Variants in AP2A1 observed in about 807,000 individuals in gnomAD.
AP2A1 encodes the protein adaptor related protein complex 2 subunit alpha 1, also known as AP-2 complex subunit alpha-1.
A neutral mutation model predicts 107.3 loss-of-function variants in AP2A1; 21 were observed. That is an observed-to-expected ratio of 0.20 (90% CI 0.14 to 0.28). The LOEUF (loss-of-function observed/expected upper bound fraction) is 0.28, where lower values mean the gene tolerates loss of function less well. Among genes scored for constraint, AP2A1 ranks in the 10% least tolerant of loss-of-function variants. AP2A1 has a pLI of 1.00. For synonymous variants in AP2A1, 602 were observed against 564.8 expected (o/e 1.07, Z -0.93); for missense variants, 873 against 1,307.7 (o/e 0.67, Z 5.13).
intron 4 of AP2A1, among the ~76,000 whole-genome samples, chr19:49,790,345 G>A (rs1043433733): frequency 1.3e-5 from 2 of 152,150 alleles, no homozygotes; most frequent in African/African-American, 4.8e-5. Flanking sequence ...AGGACCCTGT[G>A]ATGACATTGG....
chr19:49,791,811 C>T, intron 4 of AP2A1, 124 bp from the exon 5 acceptor site: 1 of 1,308,562 alleles, frequency 7.6e-7, no homozygotes, highest in South Asian at 1.4e-5. Flanking sequence ...CCTGCGGCCG[C>T]CTGGCTGTCT....
intron 15 of AP2A1, 126 bp downstream of exon 15, chr19:49,802,267 C>G (rs1416345293): frequency 2.3e-6 from 2 of 875,934 alleles, no homozygotes; most frequent in African/African-American, 1.7e-5. Flanking sequence ...CATCCTGATG[C>G]CTTCGCCAGC....
rs1213944500 is a variant in AP2A1 at position 49,767,099 on chromosome 19, G to T, written c.-35G>T. On this transcript the variant is annotated 5_prime_UTR_variant, in exon 1 of 23. Transcript: ENST00000354293. ...GCCAGCCCCCGCTGCTCTGTGCCCTGTCCGGCCAGGCCTGGAGCCGACACC... is the reference window on the plus strand; with the variant it reads ...GCCAGCCCCCGCTGCTCTGTGCCCTTTCCGGCCAGGCCTGGAGCCGACACC... The T allele has an allele frequency of 3.1e-6, 5 of 1,607,864 alleles. No individual in the cohort carries two copies. The highest frequency in any genetic ancestry group is 4.2e-6 in the Non-Finnish European group (5 of 1,178,942).
At position 49,805,904 on chromosome 19, in the gene AP2A1, C is replaced by T. The variant is rs1192001219; in HGVS notation, c.2618C>T (p.Ala873Val). 1.2e-6 allele frequency: 2 copies of T among 1,613,882 alleles called. No homozygotes were observed. The highest frequency in any genetic ancestry group is 1.7e-6 in the Non-Finnish European group (2 of 1,179,900). The stretch of plus-strand genomic sequence containing the variant: ...CAGGAGGCGCAGAAAATCTTCAAAG[C>T]CAACCACCCCATGGACGCAGAAGTT... ...PQQEAQKIFKANHPMDAEVTK... is the reference protein window; with the variant it reads ...PQQEAQKIFKVNHPMDAEVTK... Residue 873 changes from alanine (A) to valine (V), a missense_variant, in exon 21 of 23, where the codon GCC (alanine) becomes GTC (valine). Physicochemically the swap from Ala to Val is moderately conservative, Grantham distance 64. Coordinates refer to ENST00000354293, the MANE Select transcript of AP2A1 (RefSeq NM_130787.3).
At position 49,790,438 on chromosome 19, in the gene AP2A1, T is replaced by G. The variant is rs1402023800; in HGVS notation, c.474-1497T>G. ...TCTGCAAAGTACCCCCACCCTTTTT[T>G]TTGTTTGGAGACAGGGTCTTGCTCT... On this transcript the variant is annotated intron_variant, in intron 4 of 22. Transcript: ENST00000354293. 2.0e-5 allele frequency among the ~76,000 whole-genome samples: 3 copies of G among 152,178 alleles called. No homozygotes were observed. In the East Asian group the frequency reaches 5.8e-4, roughly 29 times the overall value.
chr19:49,780,817 A>G (rs1051767743), intron 1 of AP2A1, among the ~76,000 whole-genome samples: 2 of 152,154 alleles, frequency 1.3e-5, no homozygotes, highest in Non-Finnish European at 1.5e-5. Flanking sequence ...TTAAGGTCAC[A>G]GTGAGCTATG....
chr19:49,805,811 C>A, intron 20 of AP2A1, 34 bp downstream of exon 20: 2 of 1,473,948 alleles, frequency 1.4e-6, no homozygotes, highest in African/African-American at 1.4e-5. Flanking sequence ...GCCAAAGCCG[C>A]GCCTCTGGGT....
At chr19:49,790,146 G>A (rs888110018) in intron 4 of AP2A1, among the ~76,000 whole-genome samples, 3 of 152,142 alleles carry the variant, frequency 2.0e-5, no homozygotes, top group East Asian at 1.9e-4. Flanking sequence ...GGCAGGGCTC[G>A]TCCCTTCCGG....
chr19:49,777,326 TTAAG>T (rs968764702), intron 1 of AP2A1, among the ~76,000 whole-genome samples: 1 of 151,670 alleles, frequency 6.6e-6, no homozygotes, highest in African/African-American at 2.4e-5. Context: ...TAAATACAAT[TTAAG>T]TAATACTTTA....
At position 49,801,983 on chromosome 19, in the gene AP2A1, G is replaced by A. The variant is rs754893015; in HGVS notation, c.1956G>A (p.Ser652=). 17 of 1,505,276 alleles carry A rather than the reference G, an allele frequency of 1.1e-5. No homozygotes were observed. Among genetic ancestry groups the A allele is most frequent in the Non-Finnish European group, 5.3e-6 (6 of 1,131,680 alleles). 93.2% of individuals were successfully genotyped at this position (1,505,276 alleles called of 1,614,324 possible). A position where few individuals can be genotyped will look rare whatever the true frequency, so the allele number is the denominator to read the frequency against. The change falls in exon 15 of 23, where the codon TCG becomes TCA. Residue 652 remains serine, a splice_region_variant and synonymous_variant. Coordinates refer to ENST00000354293, the MANE Select transcript of AP2A1 (RefSeq NM_130787.3). ...GGMEPTPSTV[S]TPSPSADLLG... ...ACCGTGACCTGCGCTTCCTACAGTC[G>A]ACGCCCTCGCCCTCCGCCGACCTCC...
intron 1 of AP2A1, among the ~76,000 whole-genome samples, chr19:49,770,408 G>A (rs977696919): frequency 6.6e-6 from 1 of 152,144 alleles, no homozygotes; most frequent in Admixed American, 6.5e-5. Context: ...GAATTGTGCT[G>A]AATGCTGGGG....
Position 49,801,606 on chromosome 19 carries a change from C to T in AP2A1, c.1770C>T (p.Ala590=). ...AGTACCTCACCCTCAGCTCAGTGGC[C>T]AGCACCGACGTCCTGGTCAGAGCCC... The part of the protein sequence containing the change: ...AVEYLTLSSV[A]STDVLATVLE... Residue 590 remains alanine (A), a synonymous_variant, in exon 13 of 23, where the codon GCC becomes GCT. Transcript: ENST00000354293. The T allele has an allele frequency of 6.2e-7, 1 of 1,612,508 alleles. No homozygotes were observed.
intron 1 of AP2A1, among the ~76,000 whole-genome samples, chr19:49,773,245 G>T (rs2084583588): frequency 6.6e-6 from 1 of 152,326 alleles, no homozygotes; most frequent in East Asian, 1.9e-4. Flanking sequence ...CTCACAGGGA[G>T]CAAGGGCTGG....
chr19:49,772,882 G>A (rs1428395034), intron 1 of AP2A1, among the ~76,000 whole-genome samples: 1 of 151,812 alleles, frequency 6.6e-6, no homozygotes, highest in Non-Finnish European at 1.5e-5. Context: ...GGTGCAGAGA[G>A]GGATGGGATC....
At chr19:49,790,407 A>G (rs1200515781) in intron 4 of AP2A1, among the ~76,000 whole-genome samples, 2 of 152,098 alleles carry the variant, frequency 1.3e-5, no homozygotes, top group Admixed American at 1.3e-4. Context: ...CCTTAACTTT[A>G]TCATATCTGC....
chr19:49,802,981 C>CGGA lies in AP2A1; in HGVS notation c.2148_2150dup (p.Glu717dup). 6.2e-7 allele frequency: 1 copy of CGGA among 1,613,444 alleles called. No homozygotes were observed. The highest frequency in any genetic ancestry group is 8.5e-7 in the Non-Finnish European group (1 of 1,179,710). ...CCTGAGGACATCGGCCCTCCCATTC[C>CGGA]GGAAGCCGATGAGTTGCTGAATAAG... On this transcript the variant is annotated inframe_insertion, in exon 16 of 23. Transcript: ENST00000354293.
Position 49,801,636 on chromosome 19 carries a change from C to T in AP2A1, c.1785+15C>T. 6.4e-7 allele frequency: 1 copy of T among 1,573,596 alleles called. No individual in the cohort carries two copies. Among genetic ancestry groups the T allele is most frequent in the East Asian group, 2.3e-5 (1 of 43,336 alleles). The stretch of plus-strand genomic sequence containing the variant: ...CCGACGTCCTGGTCAGAGCCCTGTC[C>T]CCCCACCCCACCCCTCTTGCACACC... On this transcript the variant is annotated intron_variant, in intron 13 of 22. Coordinates refer to ENST00000354293, the MANE Select transcript of AP2A1 (RefSeq NM_130787.3).
At chr19:49,806,364 T>G in intron 22 of AP2A1, 111 bp downstream of exon 22, 1 of 1,437,124 alleles carries the variant, frequency 7.0e-7, no homozygotes, top group Non-Finnish European at 9.1e-7. Flanking sequence ...TTGACCCTCC[T>G]CCTCTCACAT....
intron 4 of AP2A1, among the ~76,000 whole-genome samples, chr19:49,787,625 A>G (rs1370009273): frequency 1.3e-5 from 2 of 151,860 alleles, no homozygotes; most frequent in African/African-American, 4.8e-5. Flanking sequence ...CTAGGATTAC[A>G]GGCGTGAGCC....
Sources: gnomAD v4.1 joint callset for allele counts (sites outside exome capture counted in the v4.1 genomes callset) on GRCh38, gnomAD v4.1.1 for gene constraint, MANE v1.5 for transcripts, NCBI Gene and HGNC (gene_info 2026-07-23, HGNC 2026-07-21) for gene names.